The following LRRTM4 variants were observed in gnomAD, a reference collection of about 807,000 sequenced individuals.
LRRTM4 encodes the protein leucine rich repeat transmembrane neuronal 4.
Under a neutral mutation model 47.6 loss-of-function variants are expected in LRRTM4, and 25 were observed. The ratio of observed to expected loss-of-function variants is 0.53; its 90% CI spans 0.38 to 0.73. The LOEUF is 0.73. Among genes scored for constraint, LRRTM4 ranks in the 30% least tolerant of loss-of-function variants. The pLI is 0.00. For synonymous variants in LRRTM4, 311 were observed against 269.5 expected, an observed-to-expected ratio of 1.15 and a Z score of -1.51; for missense variants, 638 against 713.4, an observed-to-expected ratio of 0.89 and a Z score of 1.20.
At chr2:77,101,234 G>A (rs1670945126) in intron 3 of LRRTM4, among the ~76,000 whole-genome samples, 1 of 151,948 alleles carries the variant, frequency 6.6e-6, no homozygotes, top group African/African-American at 2.4e-5. Context: ...TGAATAAATG[G>A]GAAAAATAAT....
rs78562709 is a variant in LRRTM4 at position 76,954,970 on chromosome 2, T to C, written c.1552-206054A>G. On this transcript the variant is annotated intron_variant, in intron 3 of 3. Transcript: ENST00000409884. ...ACCGCCAGCCATAACATAAATACCA[T>C]AACCAACAACAATATCCTTCAGAAA... Among the ~76,000 whole-genome samples the C allele has an allele frequency of 5.1e-3, 775 of 151,758 alleles. 5 individuals carry two copies. Among genetic ancestry groups the C allele is most frequent in the South Asian group, 0.012 (59 of 4,816 alleles).
chr2:77,155,834 T>C (rs1672545638), intron 3 of LRRTM4, among the ~76,000 whole-genome samples: 1 of 151,942 alleles, frequency 6.6e-6, no homozygotes, highest in African/African-American at 2.4e-5. Context: ...CAGAGTAGAG[T>C]GACTATGGTT....
intron 3 of LRRTM4, among the ~76,000 whole-genome samples, chr2:77,135,788 T>G (rs1005034516): frequency 1.3e-5 from 2 of 152,062 alleles, no homozygotes; most frequent in Non-Finnish European, 2.9e-5. Context: ...CCCCTGAAAC[T>G]AACTACTACA....
chr2:76,973,362 T>C (rs185932609), intron 3 of LRRTM4, among the ~76,000 whole-genome samples: 43 of 152,164 alleles, frequency 2.8e-4, no homozygotes, highest in African/African-American at 9.1e-4. Context: ...ACTTTTTGTC[T>C]ATTTTTAAAA....
At chr2:77,521,141 G>C (rs980339851) in intron 2 of LRRTM4, among the ~76,000 whole-genome samples, 1 of 151,854 alleles carries the variant, frequency 6.6e-6, no homozygotes, top group Admixed American at 6.6e-5. Flanking sequence ...AGGAGAAAGG[G>C]GGGGAAAAAA....
intron 3 of LRRTM4, among the ~76,000 whole-genome samples, chr2:77,062,940 T>A (rs1034865169): frequency 1.1e-4 from 16 of 145,030 alleles, no homozygotes; most frequent in African/African-American, 3.1e-4. Context: ...TGTTCTTTTT[T>A]AAAATTATTA....
chr2:77,473,362 C>T (rs1020189010), intron 3 of LRRTM4, among the ~76,000 whole-genome samples: 1 of 152,032 alleles, frequency 6.6e-6, no homozygotes, highest in Admixed American at 6.6e-5. Context: ...ATTTTTATAA[C>T]AAGAAACCAT....
chr2:77,106,605 G>T (rs1321445447), intron 3 of LRRTM4, among the ~76,000 whole-genome samples: 1 of 152,048 alleles, frequency 6.6e-6, no homozygotes, highest in Non-Finnish European at 1.5e-5. Flanking sequence ...CACTTGTAGT[G>T]AGATAGACAC....
intron 3 of LRRTM4, among the ~76,000 whole-genome samples, chr2:76,813,184 A>T (rs1274853813): frequency 1.3e-5 from 2 of 152,116 alleles, no homozygotes; most frequent in East Asian, 3.9e-4. Flanking sequence ...AAAATTCCTC[A>T]GCTCCACTAA....
intron 3 of LRRTM4, among the ~76,000 whole-genome samples, chr2:76,815,519 G>C (rs930772401): frequency 4.6e-5 from 7 of 152,096 alleles, no homozygotes; most frequent in African/African-American, 1.7e-4. Context: ...ACCTGGAATG[G>C]CTTAAGGCAG....
At chr2:77,499,087 G>A (rs949381232) in intron 3 of LRRTM4, among the ~76,000 whole-genome samples, 1 of 151,690 alleles carries the variant, frequency 6.6e-6, no homozygotes, top group Non-Finnish European at 1.5e-5. Flanking sequence ...CCTCAACCAC[G>A]GGTGATTTTG....
At chr2:77,408,682 G>A (rs180903518) in intron 3 of LRRTM4, among the ~76,000 whole-genome samples, 1 of 152,116 alleles carries the variant, frequency 6.6e-6, no homozygotes, top group Non-Finnish European at 1.5e-5. Flanking sequence ...CTTCTCCTCT[G>A]TCAAGCTCTG....
Position 77,163,679 on chromosome 2 carries a change from T to C in LRRTM4, c.1551+354639A>G, listed in dbSNP as rs536525872. ...TCAACATTCTTAAAGAAAAGAATTT[T>C]CAACCCAGAATTTCATATCGAGCCA... On this transcript the variant is annotated intron_variant, in intron 3 of 3. Transcript: ENST00000409884. Among the ~76,000 whole-genome samples the C allele has an allele frequency of 5.9e-5, 9 of 152,316 alleles. No individual in the cohort carries two copies. In the South Asian group the frequency reaches 1.9e-3, roughly 32 times the overall value.
At chr2:76,842,659 G>A (rs931812934) in intron 3 of LRRTM4, among the ~76,000 whole-genome samples, 1 of 152,120 alleles carries the variant, frequency 6.6e-6, no homozygotes, top group Non-Finnish European at 1.5e-5. Context: ...AAAACAGAAT[G>A]GTTGCATGGG....
chr2:76,918,454 T>C (rs114425557), intron 3 of LRRTM4, among the ~76,000 whole-genome samples: 289 of 152,332 alleles, frequency 1.9e-3, no homozygotes, highest in African/African-American at 6.4e-3. Flanking sequence ...AATTTCACCA[T>C]TAAGATACAT....
intron 3 of LRRTM4, among the ~76,000 whole-genome samples, chr2:77,008,023 CTG>C (rs1439093352): frequency 2.0e-5 from 3 of 152,156 alleles, no homozygotes; most frequent in Non-Finnish European, 2.9e-5. Context: ...CTTCACCAAA[CTG>C]AAATACAGAA....
intron 3 of LRRTM4, among the ~76,000 whole-genome samples, chr2:77,358,940 A>T (rs1306107913): frequency 6.6e-6 from 1 of 152,188 alleles, no homozygotes; most frequent in African/African-American, 2.4e-5. Context: ...TATTTCCCCT[A>T]TTAGGTAATT....
At chr2:76,973,439 A>G (rs191131033) in intron 3 of LRRTM4, among the ~76,000 whole-genome samples, 1 of 152,082 alleles carries the variant, frequency 6.6e-6, no homozygotes, top group East Asian at 1.9e-4. Flanking sequence ...TTTAGAAAAT[A>G]TGTGTTATAT....
chr2:77,129,155 T>C (rs1255496174), intron 3 of LRRTM4, among the ~76,000 whole-genome samples: 1 of 152,222 alleles, frequency 6.6e-6, no homozygotes, highest in Non-Finnish European at 1.5e-5. Flanking sequence ...CATGAACTCA[T>C]GTATATGTCA....
Sources: gnomAD v4.1 joint callset for allele counts (sites outside exome capture counted in the v4.1 genomes callset) on GRCh38, gnomAD v4.1.1 for gene constraint, MANE v1.5 for transcripts, NCBI Gene and HGNC (gene_info 2026-07-23, HGNC 2026-07-21) for gene names.